ZBTB16: variants seen among roughly 807,000 people sequenced by gnomAD.
The protein encoded by ZBTB16 is zinc finger and BTB domain-containing protein 16.
ZBTB16 carries 8 observed loss-of-function variants against 56.8 expected under a neutral mutation model. The ratio of observed to expected loss-of-function variants is 0.14; its 90% CI spans 0.08 to 0.25. The LOEUF is 0.25. Ranked by LOEUF, ZBTB16 falls within the 10% of genes least tolerant of loss-of-function variation. The probability of loss-of-function intolerance (pLI) is 1.00; values close to 1 mark genes in which losing one functional copy is unlikely to be tolerated. For missense variants in ZBTB16, 625 were observed against 903.0 expected (o/e 0.69, Z 3.95); for synonymous variants, 363 against 368.5 (o/e 0.98, Z 0.17).
At chr11:114,154,888 T>C (rs1942368623) in intron 2 of ZBTB16, among the ~76,000 whole-genome samples, 1 of 152,198 alleles carries the variant, frequency 6.6e-6, no homozygotes, top group South Asian at 2.1e-4. Flanking sequence ...GTGGATACCA[T>C]ATGCTGGTCC....
Position 114,115,216 on chromosome 11 carries a change from T to C in ZBTB16, c.1269-41121T>C, listed in dbSNP as rs145965433. Among the ~76,000 whole-genome samples, 6 of 152,256 alleles carry C rather than the reference T, an allele frequency of 3.9e-5. No individual in the cohort carries two copies. In the East Asian group the frequency reaches 1.2e-3, roughly 29 times the overall value. On this transcript the variant is annotated intron_variant, in intron 2 of 6. Coordinates refer to ENST00000335953, the MANE Select transcript of ZBTB16 (RefSeq NM_006006.6). ...ACCTTCTAGAGAAAAGAACCTTTGC[T>C]TTTATAGGTGAGCAGGGACGGTGTA...
intron 2 of ZBTB16, among the ~76,000 whole-genome samples, chr11:114,082,120 A>AAAC (rs1939787428): frequency 6.6e-6 from 1 of 151,400 alleles, no homozygotes; most frequent in African/African-American, 2.4e-5. Context: ...TCTTTACAAA[A>AAAC]AAAAAAAAAA....
At chr11:114,247,704 C>T (rs777532345) in intron 6 of ZBTB16, among the ~76,000 whole-genome samples, 6 of 152,038 alleles carry the variant, frequency 3.9e-5, no homozygotes, top group Non-Finnish European at 7.4e-5. Context: ...TAAGTTGGTC[C>T]AATTAGCTGA....
At chr11:114,065,111 TC>T (rs1295737295) in intron 2 of ZBTB16, among the ~76,000 whole-genome samples, 1 of 152,184 alleles carries the variant, frequency 6.6e-6, no homozygotes, top group Non-Finnish European at 1.5e-5. Context: ...AAAGTTAATC[TC>T]CTTGCTCTGT....
rs1338681719 is a variant in ZBTB16 at position 114,064,056 on chromosome 11, C to T, written c.756C>T (p.Pro252=). The change falls in exon 2 of 7, where the codon CCC becomes CCT. Residue 252 remains proline, a synonymous_variant. Transcript: ENST00000335953. This position sits in a 1 kb window ranked among gnomAD's most constrained non-coding sequence, Gnocchi z 4.2. ...AGATGATGCAGGTGGATGAGGTGCC[C>T]AGCCAGGACAGCCCTGGGGCAGCCG... is the stretch of plus-strand genomic sequence containing the variant. The part of the protein sequence containing the change: ...KTEMMQVDEV[P]SQDSPGAAES... 5 of 1,613,432 alleles carry T rather than the reference C, an allele frequency of 3.1e-6. No individual in the cohort carries two copies. The highest frequency in any genetic ancestry group is 3.4e-6 in the Non-Finnish European group (4 of 1,179,748).
At chr11:114,166,807 A>G (rs1942770065) in intron 3 of ZBTB16, among the ~76,000 whole-genome samples, 1 of 152,160 alleles carries the variant, frequency 6.6e-6, no homozygotes, top group Non-Finnish European at 1.5e-5. Context: ...GAACCTTTTC[A>G]TTTTAAAAAT....
rs185929911 is a variant in ZBTB16, at chr11:114,170,481, G to A, written c.1366+14047G>A. On this transcript the variant is annotated intron_variant, in intron 3 of 6. Transcript: ENST00000335953. The stretch of plus-strand genomic sequence containing the variant: ...GGGGCGGATACCTCTGTAGTCAGGG[G>A]CTCCTTTTGTTGGCTCTCTCCAGGA... Among the ~76,000 whole-genome samples the A allele has an allele frequency of 3.1e-3, 465 of 152,334 alleles. 4 individuals carry two copies. Among genetic ancestry groups the A allele is most frequent in the African/African-American group, 0.01 (436 of 41,584 alleles).
At chr11:114,072,082 CT>C (rs1939367143) in intron 2 of ZBTB16, among the ~76,000 whole-genome samples, 1 of 152,234 alleles carries the variant, frequency 6.6e-6, no homozygotes, top group South Asian at 2.1e-4. Context: ...GGGTATTTTT[CT>C]TGTCATTGTG....
chr11:114,148,440 T>C (rs202107689), intron 2 of ZBTB16, among the ~76,000 whole-genome samples: 20 of 90,132 alleles, frequency 2.2e-4, no homozygotes, highest in African/African-American at 6.0e-4. Flanking sequence ...TCTCTCTTTC[T>C]CTCTCTCTGT....
At chr11:114,105,177 A>C (rs1251928065) in intron 2 of ZBTB16, among the ~76,000 whole-genome samples, 2 of 151,946 alleles carry the variant, frequency 1.3e-5, no homozygotes, top group African/African-American at 2.4e-5. Flanking sequence ...TTTTTTGAAA[A>C]AGCCTGTGAG....
chr11:114,120,578 C>A (rs1941314282), intron 2 of ZBTB16, among the ~76,000 whole-genome samples: 1 of 152,168 alleles, frequency 6.6e-6, no homozygotes, highest in Non-Finnish European at 1.5e-5. Context: ...CTAATTTGTC[C>A]CATTTTCTTC....
At chr11:114,073,460 T>C (rs1939427836) in intron 2 of ZBTB16, among the ~76,000 whole-genome samples, 1 of 152,232 alleles carries the variant, frequency 6.6e-6, no homozygotes, top group African/African-American at 2.4e-5. Flanking sequence ...CTTATTATGC[T>C]GGTGCAGTCT....
intron 4 of ZBTB16, among the ~76,000 whole-genome samples, chr11:114,220,354 TGCAATGCATGCATGTGAGTGTGTGA>T (rs1402192104): frequency 4.6e-5 from 7 of 152,282 alleles, no homozygotes; most frequent in Middle Eastern, 6.8e-3. Context: ...GATGTGTGTG[TGCAATGCATGCATGTGAGTGTGTGA>T]GCAATGCATG....
At chr11:114,204,296 G>C (rs1268568300) in intron 4 of ZBTB16, among the ~76,000 whole-genome samples, 2 of 151,924 alleles carry the variant, frequency 1.3e-5, no homozygotes, top group South Asian at 4.2e-4. Flanking sequence ...GCACCACCAT[G>C]CCCGGCTAAT....
rs117312248 is a variant in ZBTB16 at position 114,184,254 on chromosome 11, C to G, written c.1367-2698C>G. Among the ~76,000 whole-genome samples, 427 of 152,300 alleles carry G rather than the reference C, an allele frequency of 2.8e-3. 5 individuals carry two copies. Among genetic ancestry groups the G allele is most frequent in the Non-Finnish European group, 4.3e-3 (295 of 68,026 alleles). On this transcript the variant is annotated intron_variant, in intron 3 of 6. Transcript: ENST00000335953. ...GAGGACCCCACATTCTAGACCTCCT[C>G]TAGGGTCCTCATATTCTTCACTGCA...
chr11:114,131,654 G>C (rs568752558), intron 2 of ZBTB16, among the ~76,000 whole-genome samples: 2 of 152,140 alleles, frequency 1.3e-5, no homozygotes, highest in South Asian at 4.1e-4. Flanking sequence ...AATCCGAGAG[G>C]GGGGACATAG....
In ZBTB16 at chr11:114,250,753, G is replaced by A; in HGVS notation, c.*198G>A. 1.6e-6 allele frequency: 1 copy of A among 626,694 alleles called. No homozygotes were observed. Among genetic ancestry groups the A allele is most frequent in the Non-Finnish European group, 2.8e-6 (1 of 362,504 alleles). The allele number at this position is 626,694 out of a possible 1,614,324, so 38.8% of individuals were successfully genotyped here. A position where few individuals can be genotyped will look rare whatever the true frequency, so the allele number is the denominator to read the frequency against. On this transcript the variant is annotated 3_prime_UTR_variant, in exon 7 of 7. Transcript: ENST00000335953. The surrounding 1 kb of genome is among the most constrained non-coding windows in gnomAD (Gnocchi z 6.0). ...GCCAAGCCACTGCCCCTCCTCTGGGGGCCTCCACCCTCCTCTCCCGGCTGG... is the reference window on the plus strand; with the variant it reads ...GCCAAGCCACTGCCCCTCCTCTGGGAGCCTCCACCCTCCTCTCCCGGCTGG...
chr11:114,215,617 C>T (rs1238910971), intron 4 of ZBTB16, among the ~76,000 whole-genome samples: 1 of 152,124 alleles, frequency 6.6e-6, no homozygotes, highest in Non-Finnish European at 1.5e-5. Context: ...CCGCAGCAGC[C>T]GCATTAGGTT....
At position 114,250,655 on chromosome 11, in the gene ZBTB16, A is replaced by G. The variant is rs1944902357; in HGVS notation, c.*100A>G. The G allele has an allele frequency of 4.5e-6, 6 of 1,343,356 alleles. No individual in the cohort carries two copies. In the South Asian group the frequency reaches 6.6e-5, roughly 15 times the overall value. 83.2% of individuals were successfully genotyped at this position (1,343,356 alleles called of 1,614,324 possible). On this transcript the variant is annotated 3_prime_UTR_variant, in exon 7 of 7. Transcript: ENST00000335953. The surrounding 1 kb of genome is among the most constrained non-coding windows in gnomAD (Gnocchi z 6.0). ...GACAAATAAAAAAGGAAAAGAAAAA[A>G]AAAAACAGAAGGAAAAGGAAACCTG...
Sources: gnomAD v4.1 joint callset for allele counts (sites outside exome capture counted in the v4.1 genomes callset) on GRCh38, gnomAD v4.1.1 for gene constraint, Gnocchi (gnomAD v3.1) non-coding constraint, MANE v1.5 for transcripts, NCBI Gene and HGNC (gene_info 2026-07-23, HGNC 2026-07-21) for gene names.